The following RPSA2 variants were observed in gnomAD, a reference collection of about 807,000 sequenced individuals.
RPSA2 encodes the protein small ribosomal subunit protein uS2B.
the RPSA2 span, among the ~76,000 whole-genome samples, chr19:23,851,963 A>G: frequency 6.6e-6 from 1 of 152,210 alleles, no homozygotes; most frequent in Non-Finnish European, 1.5e-5. Context: ...TCAAATCCGG[A>G]AATTTGAACT....
At chr19:23,834,039 A>C in the RPSA2 span, among the ~76,000 whole-genome samples, 1 of 152,122 alleles carries the variant, frequency 6.6e-6, no homozygotes, top group African/African-American at 2.4e-5. Context: ...AGTAAAGATG[A>C]AAGATATTTA....
the RPSA2 span, among the ~76,000 whole-genome samples, chr19:23,860,437 C>A: frequency 6.6e-6 from 1 of 152,184 alleles, no homozygotes; most frequent in African/African-American, 2.4e-5. Flanking sequence ...GAGAGTATCA[C>A]CTTTTCTTTC....
At chr19:23,841,979 C>A in the RPSA2 span, among the ~76,000 whole-genome samples, 1 of 152,120 alleles carries the variant, frequency 6.6e-6, no homozygotes, top group Non-Finnish European at 1.5e-5. Flanking sequence ...TGAAGGCTGT[C>A]ATTTTTGTTT....
the RPSA2 span, among the ~76,000 whole-genome samples, chr19:23,830,893 T>TA: frequency 6.6e-6 from 1 of 152,224 alleles, no homozygotes; most frequent in South Asian, 2.1e-4. Context: ...AAAATCTTTA[T>TA]AATGTTGTTC....
the RPSA2 span, among the ~76,000 whole-genome samples, chr19:23,856,906 A>G: frequency 6.6e-6 from 1 of 152,178 alleles, no homozygotes; most frequent in Non-Finnish European, 1.5e-5. Context: ...GTCTATGTTC[A>G]GCGGTGCACG....
At chr19:23,866,513 G>GTCCCCCCC in the RPSA2 span, among the ~76,000 whole-genome samples, 1 of 142,284 alleles carries the variant, frequency 7.0e-6, no homozygotes, top group Non-Finnish European at 1.5e-5. Flanking sequence ...ACAATGTGGT[G>GTCCCCCCC]CCCCCCCCCG....
chr19:23,798,364 A>C, the RPSA2 span, among the ~76,000 whole-genome samples: 3 of 152,192 alleles, frequency 2.0e-5, no homozygotes, highest in Non-Finnish European at 4.4e-5. Context: ...CAGTTTATAA[A>C]CTGAACAGTG....
chr19:23,825,079 A>G, the RPSA2 span, among the ~76,000 whole-genome samples: 2 of 151,948 alleles, frequency 1.3e-5, no homozygotes, highest in South Asian at 4.1e-4. Flanking sequence ...TCCTGGGTTC[A>G]TGCCATTCTC....
chr19:23,852,030 C>A, the RPSA2 span, among the ~76,000 whole-genome samples: 2 of 152,220 alleles, frequency 1.3e-5, no homozygotes, highest in African/African-American at 2.4e-5. Context: ...GAAGAAAACA[C>A]CACTCTACTA....
At chr19:23,764,800 T>A in the RPSA2 span, among the ~76,000 whole-genome samples, 7 of 143,042 alleles carry the variant, frequency 4.9e-5, no homozygotes, top group East Asian at 6.0e-4. Context: ...AACTCCACTT[T>A]AAAAAAAAAA....
At chr19:23,784,972 C>G in the RPSA2 span, among the ~76,000 whole-genome samples, 1 of 152,190 alleles carries the variant, frequency 6.6e-6, no homozygotes, top group Admixed American at 6.5e-5. Flanking sequence ...ATATCTAGAA[C>G]GTGGACACGT....
the RPSA2 span, among the ~76,000 whole-genome samples, chr19:23,869,305 C>CT: frequency 2.0e-5 from 3 of 152,298 alleles, no homozygotes; most frequent in East Asian, 5.8e-4. Flanking sequence ...CCATAGCTGT[C>CT]TTACAACTGA....
the RPSA2 span, among the ~76,000 whole-genome samples, chr19:23,805,299 G>T: frequency 6.6e-6 from 1 of 151,962 alleles, no homozygotes; most frequent in African/African-American, 2.4e-5. Flanking sequence ...TGAGTAGCTG[G>T]GATTACAGGC....
chr19:23,774,817 T>A, the RPSA2 span, among the ~76,000 whole-genome samples: 148,917 of 152,234 alleles, frequency 0.98, 72,926 homozygotes, highest in Middle Eastern at 1. Context: ...GAAATTGAAC[T>A]TATCCCTGAC....
chr19:23,781,786 C>A, the RPSA2 span, among the ~76,000 whole-genome samples: 1 of 152,212 alleles, frequency 6.6e-6, no homozygotes, highest in Non-Finnish European at 1.5e-5. Context: ...TTGTTAATGT[C>A]ATCACAAGAC....
the RPSA2 span, among the ~76,000 whole-genome samples, chr19:23,869,815 A>T: frequency 3.3e-5 from 5 of 152,124 alleles, no homozygotes; most frequent in Non-Finnish European, 7.4e-5. Flanking sequence ...ACTCTCTAAT[A>T]CCAGTACTGC....
At chr19:23,804,796 G>A in the RPSA2 span, among the ~76,000 whole-genome samples, 8 of 152,250 alleles carry the variant, frequency 5.3e-5, no homozygotes, top group Admixed American at 5.2e-4. Context: ...GTGGTTATAA[G>A]CCCAGACTTC....
At chr19:23,806,012 T>A in the RPSA2 span, among the ~76,000 whole-genome samples, 4 of 143,202 alleles carry the variant, frequency 2.8e-5, no homozygotes, top group Non-Finnish European at 6.1e-5. Context: ...TCTATCTATC[T>A]ATCTATCTAT....
the RPSA2 span, among the ~76,000 whole-genome samples, chr19:23,800,890 G>A: frequency 9.8e-5 from 15 of 152,296 alleles, no homozygotes; most frequent in East Asian, 2.5e-3. Flanking sequence ...GGGATTACAG[G>A]TGTGAGGCAC....
Sources: gnomAD v4.1 joint callset for allele counts (sites outside exome capture counted in the v4.1 genomes callset) on GRCh38, gnomAD v4.1.1 for gene constraint, MANE v1.5 for transcripts, NCBI Gene and HGNC (gene_info 2026-07-23, HGNC 2026-07-21) for gene names.